Variants in EXD3 observed in about 807,000 individuals in gnomAD.
EXD3 encodes exonuclease mut-7 homolog.
Under a neutral mutation model 98.0 loss-of-function variants are expected in EXD3, and 92 were observed. That is an observed-to-expected ratio of 0.94 (90% confidence interval 0.79 to 1.12). EXD3 has a LOEUF of 1.12. EXD3 is among the 50% of genes most tolerant of loss of function. The pLI is 0.00. For missense variants in EXD3, 1,222 were observed against 1,191.6 expected, an observed-to-expected ratio of 1.03 and a Z score of -0.38; for synonymous variants, 569 against 526.0, an observed-to-expected ratio of 1.08 and a Z score of -1.12.
chr9:137,343,884 G>A lies in EXD3; in HGVS notation c.1998+4187C>T, dbSNP rs1178497440. On this transcript the variant is annotated intron_variant, in intron 17 of 21. Transcript: ENST00000340951. ...ATTACAGGTATGAGCCACCGCGCCC[G>A]GCCTTTTTTTTTTTTTTTTTTTTTT... Among the ~76,000 whole-genome samples, 60 of 109,178 alleles carry A rather than the reference G, an allele frequency of 5.5e-4. 1 individual carries two copies. Among genetic ancestry groups the A allele is most frequent in the South Asian group, 3.2e-4 (1 of 3,082 alleles). 71.6% of individuals were successfully genotyped at this position (109,178 alleles called of 152,430 possible).
intron 5 of EXD3, 99 bp downstream of exon 5, chr9:137,372,806 A>G: frequency 1.5e-6 from 2 of 1,293,648 alleles, no homozygotes; most frequent in South Asian, 1.4e-5. Flanking sequence ...CAGAAGCCCC[A>G]AACAGCCCCC....
At position 137,383,346 on chromosome 9, in the gene EXD3, C is replaced by T. The variant is rs1156714041; in HGVS notation, c.87G>A (p.Leu29=). ...GCTCCCGCGTGGACCACAGGGTCTG[C>T]AGGGCCTGCAGGAGCAGGAGGGGGT... ...GRDPLLLLQA[L]QTLWSTRERK... The change falls in exon 3 of 22, where the codon CTG becomes CTA. Residue 29 remains leucine, a synonymous_variant. Coordinates refer to ENST00000340951, the MANE Select transcript of EXD3 (RefSeq NM_017820.5). 2.6e-6 allele frequency: 4 copies of T among 1,550,218 alleles called. No individual in the cohort carries two copies. The highest frequency in any genetic ancestry group is 3.5e-6 in the Non-Finnish European group (4 of 1,146,702).
At chr9:137,373,710 T>G in intron 3 of EXD3, 111 bp from the exon 4 acceptor site, 1 of 1,258,206 alleles carries the variant, frequency 7.9e-7, no homozygotes, top group Non-Finnish European at 1.1e-6. Context: ...AGAAGGTAGC[T>G]GTGGCCATTC....
At chr9:137,307,344 C>T (rs1180723463) in intron 21 of EXD3, 81 bp from the exon 22 acceptor site, 40 of 1,435,272 alleles carry the variant, frequency 2.8e-5, no homozygotes, top group Admixed American at 1.1e-4. Flanking sequence ...GTGCAGTTGG[C>T]GGCCCACGCT....
intron 2 of EXD3, among the ~76,000 whole-genome samples, chr9:137,388,229 C>T (rs767321415): frequency 4.6e-5 from 7 of 152,188 alleles, no homozygotes; most frequent in South Asian, 2.1e-4. Flanking sequence ...CTCCCCAAAA[C>T]GTGCCTGGGA....
At position 137,354,870 on chromosome 9, in the gene EXD3, G is replaced by A. The variant is rs993990501; in HGVS notation, c.758-97C>T. On this transcript the variant is annotated intron_variant, in intron 8 of 21. Transcript: ENST00000340951. ...GGAGACGGGCAGAGGGGCTGCGCCT[G>A]CCCCTTCACCGTCCTCCACCTCTGC... 21 of 1,214,470 alleles carry A rather than the reference G, an allele frequency of 1.7e-5. No individual in the cohort carries two copies. In the African/African-American group the frequency reaches 2.9e-4, roughly 17 times the overall value. 75.2% of individuals were successfully genotyped at this position (1,214,470 alleles called of 1,614,324 possible). A position where few individuals can be genotyped will look rare whatever the true frequency, so the allele number is the denominator to read the frequency against.
chr9:137,348,927 G>A (rs1834099220), intron 16 of EXD3, among the ~76,000 whole-genome samples, 183 bp downstream of exon 16: 4 of 151,986 alleles, frequency 2.6e-5, no homozygotes, highest in African/African-American at 4.8e-5. Context: ...CCAGGCAAGC[G>A]CAGCCCCCGT....
Position 137,356,318 on chromosome 9 carries a change from G to A in EXD3, c.707C>T (p.Ala236Val), listed in dbSNP as rs370748438. Residue 236 changes from alanine (A) to valine (V), a missense_variant, in exon 8 of 22, where the codon GCG (alanine) becomes GTG (valine). Ala to Val is a moderately conservative substitution (Grantham distance 64). Coordinates refer to ENST00000340951, the MANE Select transcript of EXD3 (RefSeq NM_017820.5). ...CAGACGCAAGACCTGCCTGCTCAGC[G>A]CCTTCGGACTCAGCTTCTCCAGGCT... ...SLSLEKLSPKALSRQVLRLQE... is the reference protein window; with the variant it reads ...SLSLEKLSPKVLSRQVLRLQE... The A allele has an allele frequency of 1.3e-4, 202 of 1,604,594 alleles. No individual in the cohort carries two copies. Among genetic ancestry groups the A allele is most frequent in the East Asian group, 4.7e-4 (21 of 44,570 alleles).
At chr9:137,420,027 G>T (rs971484071) in intron 1 of EXD3, among the ~76,000 whole-genome samples, 1 of 152,126 alleles carries the variant, frequency 6.6e-6, no homozygotes, top group Non-Finnish European at 1.5e-5. Flanking sequence ...GGGCATGGTG[G>T]CAGGTGCCTG....
At chr9:137,397,320 G>A (rs1837265103) in intron 1 of EXD3, among the ~76,000 whole-genome samples, 1 of 152,186 alleles carries the variant, frequency 6.6e-6, no homozygotes, top group Non-Finnish European at 1.5e-5. Flanking sequence ...CAGCTTAGGA[G>A]GCTTGAGAAA....
chr9:137,400,067 A>G, intron 1 of EXD3, among the ~76,000 whole-genome samples: 1 of 152,074 alleles, frequency 6.6e-6, no homozygotes, highest in East Asian at 1.9e-4. Flanking sequence ...GGAAGAAGCA[A>G]AAGAGGAAAC....
chr9:137,359,036 T>C (rs1365747003), intron 7 of EXD3, among the ~76,000 whole-genome samples: 1 of 142,164 alleles, frequency 7.0e-6, no homozygotes, highest in African/African-American at 2.5e-5. Flanking sequence ...AAGCTCCGCC[T>C]CCTGGGTTCA....
In EXD3 at chr9:137,401,071, T is replaced by C. The variant is rs571690563; in HGVS notation, c.-47-5667A>G. Among the ~76,000 whole-genome samples, 156 of 151,856 alleles carry C rather than the reference T, an allele frequency of 1.0e-3. 1 individual carries two copies. The highest frequency in any genetic ancestry group is 3.5e-3 in the African/African-American group (145 of 41,394). On this transcript the variant is annotated intron_variant, in intron 1 of 21. Coordinates refer to ENST00000340951, the MANE Select transcript of EXD3 (RefSeq NM_017820.5). The stretch of plus-strand genomic sequence containing the variant: ...TCGGTGGATCTACCATTCTGGCATC[T>C]GGATGACAGTGGCCTGCTTCTCACA...
chr9:137,395,468 C>A lies in EXD3; in HGVS notation c.-47-64G>T. Reference sequence around the variant, plus strand: ...GCAACAGGCAGCCATGCAGAGCCCACGCCCACAGCCCCTGGAGGTGGTGGA... The same window carrying A: ...GCAACAGGCAGCCATGCAGAGCCCAAGCCCACAGCCCCTGGAGGTGGTGGA... On this transcript the variant is annotated intron_variant, in intron 1 of 21. Transcript: ENST00000340951. This position sits in a 1 kb window ranked among gnomAD's most constrained non-coding sequence, Gnocchi z 6.5. 6.7e-7 allele frequency: 1 copy of A among 1,485,164 alleles called. No homozygotes were observed. Among genetic ancestry groups the A allele is most frequent in the Middle Eastern group, 1.7e-4 (1 of 5,824 alleles). The allele number at this position is 1,485,164 out of a possible 1,614,324, so 92.0% of individuals were successfully genotyped here.
Position 137,393,319 on chromosome 9 carries a change from G to C in EXD3, c.55+1984C>G. 1.4e-6 allele frequency: 1 copy of C among 693,322 alleles called. No individual in the cohort carries two copies. The highest frequency in any genetic ancestry group is 2.6e-6 in the Non-Finnish European group (1 of 379,578). The allele number at this position is 693,322 out of a possible 1,614,324, so 42.9% of individuals were successfully genotyped here. A position where few individuals can be genotyped will look rare whatever the true frequency, so the allele number is the denominator to read the frequency against. On this transcript the variant is annotated intron_variant, in intron 2 of 21. Coordinates refer to ENST00000340951, the MANE Select transcript of EXD3 (RefSeq NM_017820.5). This position sits in a 1 kb window ranked among gnomAD's most constrained non-coding sequence, Gnocchi z 4.6. ...GCCCTGACGGCGGTCTCCAGGGGAG[G>C]TAACAGGGCCTCATCCCACACAGGT...
In EXD3 at chr9:137,403,503, G is replaced by A. The variant is rs1837571774; in HGVS notation, c.-47-8099C>T. On this transcript the variant is annotated intron_variant, in intron 1 of 21. Transcript: ENST00000340951. This position sits in a 1 kb window ranked among gnomAD's most constrained non-coding sequence, Gnocchi z 6.1. ...GCAGGGTCTGGCAGCACCCCATGAA[G>A]GCCGCCCCAGGTCCGTTTCAGCCCT... 6.6e-6 allele frequency among the ~76,000 whole-genome samples: 1 copy of A among 152,058 alleles called. No homozygotes were observed. Among genetic ancestry groups the A allele is most frequent in the East Asian group, 1.9e-4 (1 of 5,142 alleles).
chr9:137,355,348 C>T (rs1474951497), intron 8 of EXD3, among the ~76,000 whole-genome samples: 2 of 151,788 alleles, frequency 1.3e-5, no homozygotes, highest in Admixed American at 1.3e-4. Flanking sequence ...GCCGACCTTT[C>T]AGGGCCCCAC....
intron 1 of EXD3, among the ~76,000 whole-genome samples, chr9:137,412,187 A>G (rs964269700): frequency 1.3e-5 from 2 of 152,186 alleles, no homozygotes; most frequent in African/African-American, 4.8e-5. Context: ...GGCGGGCAAC[A>G]CTGGCTTCAG....
chr9:137,416,967 A>G (rs574269645), intron 1 of EXD3, among the ~76,000 whole-genome samples: 227 of 152,326 alleles, frequency 1.5e-3, no homozygotes, highest in Middle Eastern at 3.4e-3. Context: ...AGACGCGGCC[A>G]GAACACGCCC....
Sources: gnomAD v4.1 joint callset for allele counts (sites outside exome capture counted in the v4.1 genomes callset) on GRCh38, gnomAD v4.1.1 for gene constraint, Gnocchi (gnomAD v3.1) non-coding constraint, MANE v1.5 for transcripts, NCBI Gene and HGNC (gene_info 2026-07-23, HGNC 2026-07-21) for gene names.